Variants in TFEC observed in about 807,000 individuals in gnomAD.
The protein encoded by TFEC is transcription factor EC.
In TFEC, 31 loss-of-function variants were observed where a neutral mutation model predicts 41.6. The observed-to-expected ratio is 0.74, with a 90% CI of 0.56 to 1.01. The LOEUF is 1.01. TFEC is among the 50% of genes least tolerant of loss of function. The probability of loss-of-function intolerance (pLI) is 0.00; values close to 1 mark genes in which losing one functional copy is unlikely to be tolerated. For missense variants in TFEC, 402 were observed against 404.1 expected (o/e 0.99, Z 0.04); for synonymous variants, 143 against 140.6 (o/e 1.02, Z -0.12).
chr7:116,074,993 C>G (rs568402744), intron 3 of TFEC, among the ~76,000 whole-genome samples: 1 of 152,034 alleles, frequency 6.6e-6, no homozygotes, highest in South Asian at 2.1e-4. Flanking sequence ...ATCTCGAAAA[C>G]GTTATGCTTA....
intron 2 of TFEC, among the ~76,000 whole-genome samples, chr7:115,981,500 A>G (rs376888479): frequency 6.6e-6 from 1 of 152,190 alleles, no homozygotes; most frequent in Admixed American, 6.5e-5. Context: ...TTTGCCAAAA[A>G]TATGCACTGA....
intron 3 of TFEC, among the ~76,000 whole-genome samples, chr7:116,069,299 T>C (rs1292713173): frequency 6.6e-6 from 1 of 151,340 alleles, no homozygotes; most frequent in East Asian, 1.9e-4. Flanking sequence ...ATAATGAGAG[T>C]ATTATCAATC....
chr7:116,050,067 G>T lies in TFEC; in HGVS notation c.198+60641C>A, dbSNP rs1411257292. Among the ~76,000 whole-genome samples the T allele has an allele frequency of 2.0e-5, 3 of 152,090 alleles. No homozygotes were observed. In the East Asian group the frequency reaches 5.8e-4, roughly 29 times the overall value. ...TGACACCCTAACAACACAATTAAAA[G>T]AACTAGAGAAGCAACAGCAAACACA... On this transcript the variant is annotated intron_variant, in intron 3 of 8. Coordinates refer to the TFEC transcript ENST00000484212.
chr7:116,115,654 A>G (rs540495759), intron 1 of TFEC, among the ~76,000 whole-genome samples: 1 of 152,122 alleles, frequency 6.6e-6, no homozygotes, highest in South Asian at 2.1e-4. Context: ...TTAATCACAT[A>G]TGCAAGTTTC....
chr7:116,035,665 G>A (rs145927352), upstream of TFEC, among the ~76,000 whole-genome samples: 1,659 of 152,090 alleles, frequency 0.011, 29 homozygotes, highest in African/African-American at 0.037. Context: ...AATTAAAACA[G>A]CTTACTACTA....
intron 3 of TFEC, among the ~76,000 whole-genome samples, chr7:116,091,967 G>A (rs1014901337): frequency 1.3e-5 from 2 of 151,990 alleles, no homozygotes; most frequent in South Asian, 4.1e-4. Context: ...TAGCTTCTGG[G>A]CTAGAATCTT....
chr7:116,108,478 A>G lies in TFEC; in HGVS notation c.198+2230T>C, dbSNP rs913541393. Among the ~76,000 whole-genome samples the G allele has an allele frequency of 1.2e-4, 18 of 151,990 alleles. No homozygotes were observed. The South Asian group carries it at 3.3e-3, about 28-fold the overall frequency. On this transcript the variant is annotated intron_variant, in intron 3 of 8. Coordinates refer to the TFEC transcript ENST00000484212. Reference sequence around the variant, plus strand: ...TTTATTTCCCATTCCACACTATAAAACCCTCCTAGCAAGGCCTCTTTTTTC... The same window carrying G: ...TTTATTTCCCATTCCACACTATAAAGCCCTCCTAGCAAGGCCTCTTTTTTC...
intron 1 of TFEC, among the ~76,000 whole-genome samples, chr7:116,017,544 A>C (rs1795239814): frequency 6.6e-6 from 1 of 152,072 alleles, no homozygotes; most frequent in African/African-American, 2.4e-5. Context: ...CTAGAATGAA[A>C]TCCAGCTTCC....
At chr7:116,113,472 C>A (rs979717501) in intron 1 of TFEC, among the ~76,000 whole-genome samples, 1 of 151,938 alleles carries the variant, frequency 6.6e-6, no homozygotes, top group Non-Finnish European at 1.5e-5. Flanking sequence ...TTTGAGAATT[C>A]TGGCCTCCAG....
chr7:116,143,942 G>A lies in TFEC; in HGVS notation c.-69+15848C>T, dbSNP rs73448512. Among the ~76,000 whole-genome samples, 526 of 151,616 alleles carry A rather than the reference G, an allele frequency of 3.5e-3. 5 individuals carry two copies. The highest frequency in any genetic ancestry group is 0.012 in the African/African-American group (479 of 41,278). ...TATTAAGAAAAGGTAGAGCCTCGCC[G>A]AGCGCGGTGGCTCACACCTGTAATT... On this transcript the variant is annotated intron_variant, in intron 1 of 8. Coordinates refer to the TFEC transcript ENST00000484212.
chr7:116,076,711 G>C (rs1796968482), intron 3 of TFEC, among the ~76,000 whole-genome samples: 1 of 151,790 alleles, frequency 6.6e-6, no homozygotes, highest in African/African-American at 2.4e-5. Flanking sequence ...AATTAACCCA[G>C]TCCAACAAAG....
chr7:116,077,393 T>C (rs1796983658), intron 3 of TFEC, among the ~76,000 whole-genome samples: 1 of 151,990 alleles, frequency 6.6e-6, no homozygotes, highest in Non-Finnish European at 1.5e-5. Context: ...AGGCAACAAA[T>C]AGCACAATGG....
intron 1 of TFEC, among the ~76,000 whole-genome samples, chr7:116,135,223 T>C (rs1309215474): frequency 3.3e-5 from 5 of 152,118 alleles, no homozygotes; most frequent in Non-Finnish European, 5.9e-5. Flanking sequence ...TTTATAAATA[T>C]AATCCATGTT....
intron 1 of TFEC, among the ~76,000 whole-genome samples, chr7:116,022,235 C>A (rs1287411739): frequency 6.6e-6 from 1 of 152,052 alleles, no homozygotes; most frequent in Non-Finnish European, 1.5e-5. Flanking sequence ...TTGTTGGCAG[C>A]GGTTTTCCAT....
Position 115,950,869 on chromosome 7 carries a change from C to G in TFEC, c.515+5G>C. The G allele has an allele frequency of 6.3e-7, 1 of 1,594,014 alleles. No individual in the cohort carries two copies. Among genetic ancestry groups the G allele is most frequent in the Non-Finnish European group, 8.6e-7 (1 of 1,167,948 alleles). ...CATTATTATAGAAATGATTGTTGAA[C>G]TCACGGATCATTAGACTTTGGAATA... is the stretch of plus-strand genomic sequence containing the variant. On this transcript the variant is annotated splice_donor_5th_base_variant and intron_variant, in intron 6 of 7. Transcript: ENST00000265440.
chr7:116,036,067 CAT>C (rs553801106), intron 3 of TFEC, among the ~76,000 whole-genome samples: 100 of 151,956 alleles, frequency 6.6e-4, no homozygotes, highest in Non-Finnish European at 1.0e-3. Context: ...AATATTTTTC[CAT>C]ATGTTAAAAA....
At chr7:116,085,077 G>A (rs1219279385) in intron 3 of TFEC, among the ~76,000 whole-genome samples, 3 of 151,758 alleles carry the variant, frequency 2.0e-5, no homozygotes, top group Non-Finnish European at 1.5e-5. Flanking sequence ...GAATAAAAAG[G>A]AGCCAGTCAT....
chr7:116,093,420 A>G lies in TFEC; in HGVS notation c.198+17288T>C, dbSNP rs373116895. Among the ~76,000 whole-genome samples, 6 of 152,208 alleles carry G rather than the reference A, an allele frequency of 3.9e-5. No homozygotes were observed. The East Asian group carries it at 1.2e-3, about 29-fold the overall frequency. On this transcript the variant is annotated intron_variant, in intron 3 of 8. Transcript: ENST00000484212. ...ACCCTTTCTTTTCAGAAAGAAAAGA[A>G]AAGCATTTCAGAAAGAAAAACTGAA...
chr7:116,109,454 T>G (rs1188176267), intron 3 of TFEC, among the ~76,000 whole-genome samples: 2 of 152,036 alleles, frequency 1.3e-5, no homozygotes, highest in Non-Finnish European at 2.9e-5. Context: ...ATCTATGCAG[T>G]CAACAGACAC....
Sources: gnomAD v4.1 joint callset for allele counts (sites outside exome capture counted in the v4.1 genomes callset) on GRCh38, gnomAD v4.1.1 for gene constraint, MANE v1.5 for transcripts, NCBI Gene and HGNC (gene_info 2026-07-23, HGNC 2026-07-21) for gene names.